The following ASH1L variants were observed in gnomAD, a reference collection of about 807,000 sequenced individuals.
ASH1L encodes the protein histone-lysine N-methyltransferase ASH1L.
In ASH1L, 23 loss-of-function variants were observed where a neutral mutation model predicts 269.0. The ratio of observed to expected loss-of-function variants is 0.09; its 90% CI spans 0.06 to 0.12. The LOEUF is 0.12. ASH1L is among the 10% of genes least tolerant of loss of function. ASH1L has a pLI of 1.00. For missense variants in ASH1L, 2,912 were observed against 3,567.8 expected, an observed-to-expected ratio of 0.82 and a Z score of 4.68; for synonymous variants, 1,187 against 1,253.5, an observed-to-expected ratio of 0.95 and a Z score of 1.12.
At chr1:155,414,246 C>G (rs1426573154) in intron 6 of ASH1L, among the ~76,000 whole-genome samples, 1 of 152,124 alleles carries the variant, frequency 6.6e-6, no homozygotes, top group South Asian at 2.1e-4. Context: ...CTTAAACAAA[C>G]CTATACCTTT....
intron 4 of ASH1L, among the ~76,000 whole-genome samples, chr1:155,443,536 T>C (rs1662762374): frequency 6.6e-6 from 1 of 152,214 alleles, no homozygotes; most frequent in South Asian, 2.1e-4. Flanking sequence ...TCATAACCAA[T>C]ATATAGAACA....
At chr1:155,562,842 C>T (rs765653419), upstream of ASH1L, 20 of 497,892 alleles carry the variant, frequency 4.0e-5, no homozygotes, top group East Asian at 2.3e-4. Context: ...CTCCTCCCCC[C>T]CCTTCCCCGC....
intron 1 of ASH1L, among the ~76,000 whole-genome samples, chr1:155,550,462 G>A (rs1671122183): frequency 6.6e-6 from 1 of 152,054 alleles, no homozygotes; most frequent in Non-Finnish European, 1.5e-5. Context: ...TATGTTATCT[G>A]GTCCCTGGCT....
At chr1:155,545,485 G>A (rs1226456377) in intron 1 of ASH1L, among the ~76,000 whole-genome samples, 2 of 151,688 alleles carry the variant, frequency 1.3e-5, no homozygotes, top group Admixed American at 6.6e-5. Context: ...CAAAATATAT[G>A]TCTGCTATTT....
intron 3 of ASH1L, among the ~76,000 whole-genome samples, chr1:155,474,724 T>C (rs1327304553): frequency 1.3e-5 from 2 of 151,652 alleles, no homozygotes; most frequent in Middle Eastern, 3.2e-3. Flanking sequence ...AAAAAAACTG[T>C]GTTCTCCTCT....
At chr1:155,559,298 G>GTTCCTTTATACAAAAACACCAGAT (rs1671802622) in intron 1 of ASH1L, among the ~76,000 whole-genome samples, 1 of 152,094 alleles carries the variant, frequency 6.6e-6, no homozygotes, top group Non-Finnish European at 1.5e-5. Flanking sequence ...CAGCACTTTG[G>GTTCCTTTATACAAAAACACCAGAT]GAGGCCGAGG....
Position 155,360,402 on chromosome 1 carries a change from T to G in ASH1L, c.6694A>C (p.Asn2232His), listed in dbSNP as rs1471114653. The G allele has an allele frequency of 6.2e-7, 1 of 1,601,342 alleles. No homozygotes were observed. Among genetic ancestry groups the G allele is most frequent in the Admixed American group, 1.7e-5 (1 of 59,940 alleles). The part of the protein sequence containing the change: ...PNCEMQKWSV[N>H]GVYRIGLYAL... ...TAGAGTCCAATCCGGTATACTCCAT[T>G]AACAGACCTGTAAAGAGAGAAAACA... Residue 2232 changes from asparagine (N) to histidine (H), a missense_variant, in exon 13 of 28, where the codon AAT becomes CAT. This residue lies in a region of ASH1L where 7 missense variants were observed against 42.5 expected (regional missense o/e 0.16). Transcript: ENST00000392403.
At chr1:155,448,609 C>G (rs1663212255) in intron 4 of ASH1L, among the ~76,000 whole-genome samples, 1 of 152,168 alleles carries the variant, frequency 6.6e-6, no homozygotes, top group Non-Finnish European at 1.5e-5. Context: ...ATTCTCCTGC[C>G]TCAGACTCCT....
chr1:155,508,002 C>CTT (rs762754026), intron 2 of ASH1L, among the ~76,000 whole-genome samples: 3 of 136,598 alleles, frequency 2.2e-5, no homozygotes, highest in Non-Finnish European at 3.2e-5. Flanking sequence ...GTATACTTGA[C>CTT]TTTTTTTTTT....
At chr1:155,449,214 G>A (rs1403773515) in intron 4 of ASH1L, among the ~76,000 whole-genome samples, 2 of 152,106 alleles carry the variant, frequency 1.3e-5, no homozygotes, top group Non-Finnish European at 2.9e-5. Flanking sequence ...GATTACAGGC[G>A]TGAGCCACCA....
Position 155,466,335 on chromosome 1 carries a change from CAG to C in ASH1L, c.4985-6439_4985-6438del, listed in dbSNP as rs113514524. On this transcript the variant is annotated intron_variant, in intron 3 of 27. Transcript: ENST00000392403. The stretch of plus-strand genomic sequence containing the variant: ...CACCACTGTACTCCAGCCTGGGCGA[CAG>C]AGTGAGACCCCGTCTCAAAAAAACA... Among the ~76,000 whole-genome samples, 1,097 of 152,188 alleles carry C rather than the reference CAG, an allele frequency of 7.2e-3. 8 individuals carry two copies. Among genetic ancestry groups the C allele is most frequent in the African/African-American group, 0.025 (1,047 of 41,496 alleles).
intron 4 of ASH1L, among the ~76,000 whole-genome samples, chr1:155,448,553 T>C (rs1296880071): frequency 6.6e-6 from 1 of 152,202 alleles, no homozygotes; most frequent in African/African-American, 2.4e-5. Flanking sequence ...TGGAGTGCAA[T>C]GGTGCGATCT....
chr1:155,430,246 G>C (rs2148591892), intron 5 of ASH1L, among the ~76,000 whole-genome samples: 1 of 152,226 alleles, frequency 6.6e-6, no homozygotes, highest in Non-Finnish European at 1.5e-5. Context: ...AAAATGCTGG[G>C]ACTACAGGTG....
chr1:155,539,045 C>T (rs2148885088), intron 1 of ASH1L, among the ~76,000 whole-genome samples: 1 of 152,284 alleles, frequency 6.6e-6, no homozygotes, highest in East Asian at 1.9e-4. Flanking sequence ...GTCTTATCTG[C>T]AGATCTGATT....
At chr1:155,445,132 G>A (rs1662909962) in intron 4 of ASH1L, among the ~76,000 whole-genome samples, 1 of 152,068 alleles carries the variant, frequency 6.6e-6, no homozygotes, top group Non-Finnish European at 1.5e-5. Flanking sequence ...AGTAGTTACA[G>A]CACCATTTGT....
intron 6 of ASH1L, among the ~76,000 whole-genome samples, chr1:155,402,862 C>CA (rs1164458756): frequency 7.4e-6 from 1 of 135,992 alleles, no homozygotes; most frequent in African/African-American, 2.9e-5. Flanking sequence ...CCAAGTTATA[C>CA]TTTTTTTTTT....
intron 12 of ASH1L, among the ~76,000 whole-genome samples, chr1:155,368,657 G>A (rs751697280): frequency 6.6e-5 from 10 of 151,426 alleles, no homozygotes; most frequent in Non-Finnish European, 1.3e-4. Flanking sequence ...GGGTTTCACC[G>A]TCTTGGCCAG....
At position 155,349,419 on chromosome 1, in the gene ASH1L, G is replaced by C; in HGVS notation, c.7462C>G (p.Leu2488Val). The change falls in exon 19 of 28, where the codon CTT becomes GTT. Residue 2488 changes from leucine (L) to valine (V), a missense_variant. Leu to Val is a conservative substitution (Grantham distance 32). Transcript: ENST00000392403. ...AGGATCTGCTTCTCTATGGTGATAA[G>C]ATCTAGGGGATCAGAGATCTTCTCA... ...YYEKISDPLDLITIEKQILTG... is the reference protein window; with the variant it reads ...YYEKISDPLDVITIEKQILTG... 1 of 1,614,126 alleles carries C rather than the reference G, an allele frequency of 6.2e-7. No individual in the cohort carries two copies. Among genetic ancestry groups the C allele is most frequent in the Non-Finnish European group, 8.5e-7 (1 of 1,180,026 alleles).
At position 155,479,045 on chromosome 1, in the gene ASH1L, T is replaced by C; in HGVS notation, c.3825A>G (p.Lys1275=). The C allele has an allele frequency of 1.9e-6, 3 of 1,614,022 alleles. No individual in the cohort carries two copies. The highest frequency in any genetic ancestry group is 4.5e-5 in the East Asian group (2 of 44,880). ...MKRQKRKRKK[K]YPQLRNRQDP... is the part of the protein sequence containing the mutation. ...CCTGTCTATTTCGAAGCTGGGGATATTTCTTTTTCCGTTTTCGTTTCTGCC... is the reference window on the plus strand; with the variant it reads ...CCTGTCTATTTCGAAGCTGGGGATACTTCTTTTTCCGTTTTCGTTTCTGCC... Residue 1275 remains lysine (K), a synonymous_variant, in exon 3 of 28, where the codon AAA becomes AAG. Transcript: ENST00000392403.
Sources: allele counts gnomAD v4.1 joint callset (sites outside exome capture counted in the v4.1 genomes callset), GRCh38; gene constraint gnomAD v4.1.1; regional missense constraint gnomAD v4.1.1; transcripts MANE v1.5; gene names NCBI Gene and HGNC (gene_info 2026-07-23, HGNC 2026-07-21).